Variants in CYP7B1 observed in about 807,000 individuals in gnomAD.
CYP7B1 encodes cytochrome P450 7B1.
CYP7B1 carries 29 observed loss-of-function variants against 42.7 expected under a neutral mutation model. The ratio of observed to expected loss-of-function variants is 0.68; its 90% CI spans 0.51 to 0.93. CYP7B1 has a LOEUF of 0.93. Among genes scored for constraint, CYP7B1 ranks in the 40% least tolerant of loss-of-function variants. The probability of loss-of-function intolerance (pLI) is 0.00; values close to 1 mark genes in which losing one functional copy is unlikely to be tolerated. For synonymous variants in CYP7B1, 235 were observed against 218.2 expected (o/e 1.08, Z -0.68); for missense variants, 655 against 600.5 (o/e 1.09, Z -0.95).
intron 1 of CYP7B1, among the ~76,000 whole-genome samples, chr8:64,752,381 T>A (rs1043845763): frequency 1.4e-5 from 2 of 145,520 alleles, no homozygotes; most frequent in African/African-American, 5.5e-5. Flanking sequence ...ATTGTGTGTG[T>A]GTATGTGCAT....
At chr8:64,744,268 A>G (rs2129633337) in intron 1 of CYP7B1, among the ~76,000 whole-genome samples, 1 of 152,318 alleles carries the variant, frequency 6.6e-6, no homozygotes, top group African/African-American at 2.4e-5. Context: ...TAGATATATC[A>G]TAGCCGTTCC....
intron 1 of CYP7B1, among the ~76,000 whole-genome samples, chr8:64,668,691 A>T (rs1200612474): frequency 6.6e-6 from 1 of 151,530 alleles, no homozygotes; most frequent in Non-Finnish European, 1.5e-5. Flanking sequence ...TTAAAAGGAA[A>T]AAAAATCTCT....
At chr8:64,748,891 T>A (rs893272303) in intron 1 of CYP7B1, among the ~76,000 whole-genome samples, 1 of 152,128 alleles carries the variant, frequency 6.6e-6, no homozygotes, top group Non-Finnish European at 1.5e-5. Context: ...ACAGTCTCCA[T>A]CTTCATAGAG....
intron 2 of CYP7B1, among the ~76,000 whole-genome samples, chr8:64,617,839 T>C (rs533053473): frequency 6.6e-6 from 1 of 151,876 alleles, no homozygotes; most frequent in African/African-American, 2.4e-5. Flanking sequence ...TAGAAACAGA[T>C]AAATATGTTT....
At chr8:64,737,630 G>T (rs982505006) in intron 1 of CYP7B1, among the ~76,000 whole-genome samples, 1 of 152,190 alleles carries the variant, frequency 6.6e-6, no homozygotes, top group African/African-American at 2.4e-5. Flanking sequence ...TGCCTGAGAA[G>T]TCAATTAAAC....
intron 1 of CYP7B1, among the ~76,000 whole-genome samples, chr8:64,737,372 A>T (rs1308245231): frequency 6.6e-6 from 1 of 152,212 alleles, no homozygotes; most frequent in African/African-American, 2.4e-5. Flanking sequence ...TACATTGGCA[A>T]GTCTGTTAGA....
At chr8:64,693,590 G>T (rs1016656863) in intron 1 of CYP7B1, among the ~76,000 whole-genome samples, 1 of 152,132 alleles carries the variant, frequency 6.6e-6, no homozygotes, top group African/African-American at 2.4e-5. Context: ...CCTTTCAAAA[G>T]AAGTACAAAA....
At chr8:64,784,526 C>CTA (rs1804489210) in intron 1 of CYP7B1, among the ~76,000 whole-genome samples, 1 of 152,124 alleles carries the variant, frequency 6.6e-6, no homozygotes, top group Admixed American at 6.5e-5. Flanking sequence ...CTCAGTATAA[C>CTA]TACCATATAT....
At position 64,604,758 on chromosome 8, in the gene CYP7B1, C is replaced by G. The variant is rs758687303; in HGVS notation, c.1157G>C (p.Cys386Ser). The change falls in exon 5 of 6, where the codon TGT becomes TCT. Residue 386 changes from cysteine to serine, a missense_variant. By Grantham distance (112) the Cys-to-Ser change is moderately radical. Coordinates refer to ENST00000310193, the MANE Select transcript of CYP7B1 (RefSeq NM_004820.5). ...LTLSSETGDY[C>S]VRKGDLVAIF... ...GGCTACCAAGTCTCCCTTTCGCACA[C>G]AGTAGTCCCCGGTCTCTGAACTGAG... 2 of 1,614,160 alleles carry G rather than the reference C, an allele frequency of 1.2e-6. No homozygotes were observed. The highest frequency in any genetic ancestry group is 1.1e-5 in the South Asian group (1 of 91,084).
At chr8:64,642,299 G>A (rs1805869415) in intron 1 of CYP7B1, among the ~76,000 whole-genome samples, 1 of 150,324 alleles carries the variant, frequency 6.7e-6, no homozygotes, top group Non-Finnish European at 1.5e-5. Context: ...TTGATTCGAA[G>A]TCCTAGTAAT....
chr8:64,753,256 C>A (rs1341209664), intron 1 of CYP7B1, among the ~76,000 whole-genome samples: 1 of 152,062 alleles, frequency 6.6e-6, no homozygotes, highest in African/African-American at 2.4e-5. Flanking sequence ...AAAACAAATG[C>A]CAAATACCTA....
intron 1 of CYP7B1, among the ~76,000 whole-genome samples, chr8:64,709,270 C>G (rs1178785530): frequency 6.6e-6 from 1 of 152,134 alleles, no homozygotes; most frequent in Non-Finnish European, 1.5e-5. Context: ...TTCCAAAAAG[C>G]TTGATCAACA....
At chr8:64,701,148 A>C (rs1199730251) in intron 1 of CYP7B1, among the ~76,000 whole-genome samples, 1 of 152,060 alleles carries the variant, frequency 6.6e-6, no homozygotes, top group Non-Finnish European at 1.5e-5. Flanking sequence ...TCTACATGAG[A>C]TCAAAACCCT....
downstream of CYP7B1, among the ~76,000 whole-genome samples, chr8:64,588,366 C>T (rs1331026171): frequency 1.3e-5 from 2 of 152,084 alleles, no homozygotes; most frequent in African/African-American, 2.4e-5. Flanking sequence ...ACTATTTCTC[C>T]GTATAAGTTT....
At chr8:64,602,713 T>C (rs531939661) in intron 5 of CYP7B1, among the ~76,000 whole-genome samples, 1 of 152,334 alleles carries the variant, frequency 6.6e-6, no homozygotes, top group Admixed American at 6.5e-5. Context: ...TGGCTCACGG[T>C]AGACTTTTCT....
intron 1 of CYP7B1, among the ~76,000 whole-genome samples, chr8:64,673,488 C>T (rs1462815435): frequency 6.6e-6 from 1 of 152,102 alleles, no homozygotes; most frequent in East Asian, 1.9e-4. Context: ...GTGGCTGCTG[C>T]ATTAACACTA....
At chr8:64,731,870 C>T (rs1442586628) in intron 1 of CYP7B1, among the ~76,000 whole-genome samples, 1 of 152,210 alleles carries the variant, frequency 6.6e-6, no homozygotes, top group African/African-American at 2.4e-5. Flanking sequence ...AGGGTGTAAG[C>T]CCCAAGCCTT....
intron 1 of CYP7B1, among the ~76,000 whole-genome samples, chr8:64,691,746 A>T (rs781473387): frequency 1.3e-5 from 2 of 152,160 alleles, no homozygotes; most frequent in Non-Finnish European, 2.9e-5. Context: ...ACAGGCCCTT[A>T]CTGCTCATCC....
chr8:64,665,688 C>T (rs559707840), intron 1 of CYP7B1, among the ~76,000 whole-genome samples: 9 of 149,620 alleles, frequency 6.0e-5, no homozygotes, highest in South Asian at 2.1e-4. Context: ...GAGATTCTCC[C>T]GCCTCAGCCT....
Sources: gnomAD v4.1 joint callset for allele counts (sites outside exome capture counted in the v4.1 genomes callset) on GRCh38, gnomAD v4.1.1 for gene constraint, MANE v1.5 for transcripts, NCBI Gene and HGNC (gene_info 2026-07-23, HGNC 2026-07-21) for gene names.